The following EPHX2 variants were observed in gnomAD, a reference collection of about 807,000 sequenced individuals.
The protein encoded by EPHX2 is epoxide hydrolase 2.
In EPHX2, 74 loss-of-function variants were observed where a neutral mutation model predicts 78.7. The observed-to-expected ratio is 0.94, with a 90% CI of 0.78 to 1.14. The LOEUF is 1.14. Among genes scored for constraint, EPHX2 ranks in the 50% most tolerant of loss-of-function variants. EPHX2 has a pLI of 0.00. For synonymous variants in EPHX2, 251 were observed against 255.2 expected (o/e 0.98, Z 0.16); for missense variants, 715 against 702.5 (o/e 1.02, Z -0.20).
chr8:27,534,058 T>C (rs748022898), intron 12 of EPHX2, among the ~76,000 whole-genome samples: 4 of 152,202 alleles, frequency 2.6e-5, no homozygotes, highest in African/African-American at 4.8e-5. Flanking sequence ...ATAAGAATGA[T>C]GACCGACAGC....
rs1397943034 is a variant in EPHX2 at position 27,499,194 on chromosome 8, G to A, written c.102-1732G>A. ...TGGATGAATTAATCCATCCATGAAG[G>A]TGGAGCCCTCATGACCCAATCACTT... On this transcript the variant is annotated intron_variant, in intron 1 of 18. Coordinates refer to ENST00000521400, the MANE Select transcript of EPHX2 (RefSeq NM_001979.6). Among the ~76,000 whole-genome samples the A allele has an allele frequency of 8.5e-5, 13 of 152,236 alleles. No homozygotes were observed. The South Asian group carries it at 2.7e-3, about 32-fold the overall frequency.
At chr8:27,498,397 CTTG>C (rs892959707) in intron 1 of EPHX2, among the ~76,000 whole-genome samples, 1 of 151,506 alleles carries the variant, frequency 6.6e-6, no homozygotes, top group Non-Finnish European at 1.5e-5. Flanking sequence ...CAAGAATGTT[CTTG>C]TTGTATCAAG....
chr8:27,517,942 T>G lies in EPHX2; in HGVS notation c.911-96T>G, dbSNP rs572825643. 4 of 897,932 alleles carry G rather than the reference T, an allele frequency of 4.5e-6. No homozygotes were observed. In the South Asian group the frequency reaches 6.2e-5, roughly 14 times the overall value. The allele number at this position is 897,932 out of a possible 1,614,324, so 55.6% of individuals were successfully genotyped here. The stretch of plus-strand genomic sequence containing the variant: ...TTTTGTGGGTTTTTGTTGTTGTTGT[T>G]TGGTTTTTGGTTTTCTTTGCAAAAA... On this transcript the variant is annotated intron_variant, in intron 8 of 18. Coordinates refer to ENST00000521400, the MANE Select transcript of EPHX2 (RefSeq NM_001979.6).
In EPHX2 at chr8:27,537,485, T is replaced by C. The variant is rs150053402; in HGVS notation, c.1242+630T>C. ...TTTAGGTTATTTTCTTTTAGAAACT[T>C]CTGTCATTGCTTGTGAGTCAGCCTC... On this transcript the variant is annotated intron_variant, in intron 13 of 18. Coordinates refer to ENST00000521400, the MANE Select transcript of EPHX2 (RefSeq NM_001979.6). Among the ~76,000 whole-genome samples the C allele has an allele frequency of 1.8e-3, 274 of 152,334 alleles. 1 individual carries two copies. Among genetic ancestry groups the C allele is most frequent in the South Asian group, 0.015 (72 of 4,824 alleles).
chr8:27,506,940 G>T lies in EPHX2; in HGVS notation c.606G>T (p.Leu202=), dbSNP rs756902253. The T allele has an allele frequency of 6.2e-7, 1 of 1,614,106 alleles. No homozygotes were observed. The highest frequency in any genetic ancestry group is 1.1e-5 in the South Asian group (1 of 91,080). ...GTGACTTGGGAATGGTCACCATCCTGGTCCAGGACACTGACACGGCCCTGA... is the reference window on the plus strand; with the variant it reads ...GTGACTTGGGAATGGTCACCATCCTTGTCCAGGACACTGACACGGCCCTGA... ...PARDLGMVTI[L]VQDTDTALKE... The change falls in exon 5 of 19, where the codon CTG becomes CTT. Residue 202 remains leucine (L), a synonymous_variant. Transcript: ENST00000521400.
intron 1 of EPHX2, among the ~76,000 whole-genome samples, chr8:27,497,692 G>C (rs544238185): frequency 6.6e-6 from 1 of 152,172 alleles, no homozygotes; most frequent in Non-Finnish European, 1.5e-5. Flanking sequence ...GGTGACAGGG[G>C]AGTATATTTT....
At chr8:27,504,886 T>C (rs867878860) in intron 3 of EPHX2, 70 bp from the exon 4 acceptor site, 3 of 1,542,664 alleles carry the variant, frequency 1.9e-6, no homozygotes, top group East Asian at 4.5e-5. Flanking sequence ...TTGGAGTCCC[T>C]TGGGGGTATC....
At chr8:27,536,740 C>A (rs72477506) in intron 12 of EPHX2, 44 bp from the exon 13 acceptor site, 1 of 1,609,502 alleles carries the variant, frequency 6.2e-7, no homozygotes. Context: ...ACAGTTTCCA[C>A]GATTTCTAGG....
chr8:27,538,393 T>A (rs183418201), intron 13 of EPHX2, among the ~76,000 whole-genome samples: 9 of 152,272 alleles, frequency 5.9e-5, no homozygotes, highest in Admixed American at 3.9e-4. Context: ...ATTACCAAGG[T>A]CTGCAAGGGC....
intron 1 of EPHX2, among the ~76,000 whole-genome samples, chr8:27,496,471 A>T (rs917237465): frequency 6.6e-6 from 1 of 152,182 alleles, no homozygotes; most frequent in African/African-American, 2.4e-5. Flanking sequence ...AATGCAGAGG[A>T]AGGCATCCTT....
chr8:27,522,503 A>G lies in EPHX2; in HGVS notation c.1053A>G (p.Arg351=). ...ACATGGCTCTCTTCTACCCCGAGAG[A>G]GTGAGGTAATTGGGCCTCGGGCAAT... ...VWYMALFYPE[R]VRAVASLNTP... The change falls in exon 11 of 19, where the codon AGA becomes AGG. Residue 351 remains arginine (R), a synonymous_variant. Transcript: ENST00000521400. The G allele has an allele frequency of 6.2e-7, 1 of 1,613,578 alleles. No homozygotes were observed. Among genetic ancestry groups the G allele is most frequent in the Non-Finnish European group, 8.5e-7 (1 of 1,179,840 alleles).
intron 5 of EPHX2, among the ~76,000 whole-genome samples, chr8:27,508,192 G>T (rs949635197): frequency 6.6e-6 from 1 of 152,090 alleles, no homozygotes; most frequent in African/African-American, 2.4e-5. Context: ...AATCCCAGCT[G>T]CTCGGGAAGC....
Position 27,522,525 on chromosome 8 carries a change from C to T in EPHX2, c.1058+17C>T, listed in dbSNP as rs1814687445. 3.1e-6 allele frequency: 5 copies of T among 1,612,096 alleles called. No individual in the cohort carries two copies. The highest frequency in any genetic ancestry group is 2.5e-6 in the Non-Finnish European group (3 of 1,178,560). On this transcript the variant is annotated intron_variant, in intron 11 of 18. Transcript: ENST00000521400. ...GAGAGTGAGGTAATTGGGCCTCGGG[C>T]AATAAAGATTTGGAGGAGGCTGGAC...
rs1304973279 is a variant in EPHX2 at position 27,511,929 on chromosome 8, T to C, written c.735+19T>C. ...AGTAAAGGTGAGTCAGTTTTGTCTCTCAGTCGGCTAAGTGCTCTCCCACCA... is the reference window on the plus strand; with the variant it reads ...AGTAAAGGTGAGTCAGTTTTGTCTCCCAGTCGGCTAAGTGCTCTCCCACCA... On this transcript the variant is annotated intron_variant, in intron 6 of 18. Transcript: ENST00000521400. The C allele has an allele frequency of 1.9e-6, 3 of 1,613,270 alleles. No homozygotes were observed. In the Admixed American group the frequency reaches 5.0e-5, roughly 27 times the overall value.
intron 13 of EPHX2, among the ~76,000 whole-genome samples, chr8:27,538,013 G>T (rs1330381350): frequency 6.6e-6 from 1 of 152,126 alleles, no homozygotes; most frequent in African/African-American, 2.4e-5. Flanking sequence ...TACCAACCCA[G>T]GCTCACTTTG....
At chr8:27,522,669 G>C (rs1814690315) in intron 11 of EPHX2, among the ~76,000 whole-genome samples, 161 bp downstream of exon 11, 1 of 152,146 alleles carries the variant, frequency 6.6e-6, no homozygotes, top group African/African-American at 2.4e-5. Context: ...ACATTATAAA[G>C]AGGGCCTAGC....
At chr8:27,543,251 G>A (rs942807570) in intron 16 of EPHX2, among the ~76,000 whole-genome samples, 2 of 152,016 alleles carry the variant, frequency 1.3e-5, no homozygotes, top group African/African-American at 4.8e-5. Context: ...ATGGTGGAGC[G>A]AGAACAAAGG....
intron 10 of EPHX2, among the ~76,000 whole-genome samples, chr8:27,521,358 C>T (rs1295463142): frequency 1.3e-5 from 2 of 152,182 alleles, no homozygotes; most frequent in South Asian, 2.1e-4. Context: ...TGCGCTTTTG[C>T]AGAGTACACT....
chr8:27,543,525 G>A (rs964055847), intron 16 of EPHX2, among the ~76,000 whole-genome samples: 3 of 152,154 alleles, frequency 2.0e-5, no homozygotes, highest in Non-Finnish European at 2.9e-5. Context: ...CTCAGCACAC[G>A]TTCTCACTCA....
Sources: gnomAD v4.1 joint callset for allele counts (sites outside exome capture counted in the v4.1 genomes callset) on GRCh38, gnomAD v4.1.1 for gene constraint, MANE v1.5 for transcripts, NCBI Gene and HGNC (gene_info 2026-07-23, HGNC 2026-07-21) for gene names.